The following PER3 variants were observed in gnomAD, a reference collection of about 807,000 sequenced individuals.
The protein encoded by PER3 is period circadian protein homolog 3.
In PER3, 107 loss-of-function variants were observed where a neutral mutation model predicts 127.2. The ratio of observed to expected loss-of-function variants is 0.84; its 90% CI spans 0.72 to 0.99. PER3 has a LOEUF of 0.99. Ranked by LOEUF, PER3 falls within the 50% of genes least tolerant of loss-of-function variation. The probability of loss-of-function intolerance (pLI) is 0.00; values close to 1 mark genes in which losing one functional copy is unlikely to be tolerated. For synonymous variants in PER3, 618 were observed against 585.8 expected (o/e 1.05, Z -0.79); for missense variants, 1,560 against 1,525.8 (o/e 1.02, Z -0.37).
intron 7 of PER3, 62 bp from the exon 8 acceptor site, chr1:7,801,051 A>T: frequency 1.1e-6 from 1 of 920,374 alleles, no homozygotes; most frequent in Non-Finnish European, 1.8e-6. Flanking sequence ...TTAAGTGGTT[A>T]GTTAGGTGGA....
At chr1:7,830,968 A>G (rs182189332) in intron 19 of PER3, among the ~76,000 whole-genome samples, 4 of 152,342 alleles carry the variant, frequency 2.6e-5, no homozygotes, top group Non-Finnish European at 4.4e-5. Flanking sequence ...CTTTGTCCAT[A>G]TAAATTATAG....
In PER3 at chr1:7,806,795, T is replaced by TAAAAAAAAAA. The variant is rs71567316; in HGVS notation, c.1137-2089_1137-2080dup. ...GGCAGCAGAGCAAGACCCTGTCTCT[T>TAAAAAAAAAA]AAAAAAAAAAAAAAAAAATATATAT... On this transcript the variant is annotated intron_variant, in intron 10 of 21. Transcript: ENST00000377532. 1.4e-4 allele frequency among the ~76,000 whole-genome samples: 13 copies of TAAAAAAAAAA among 91,898 alleles called. No individual in the cohort carries two copies. In the East Asian group the frequency reaches 1.6e-3, roughly 12 times the overall value. The allele number at this position is 91,898 out of a possible 152,430, so 60.3% of individuals were successfully genotyped here.
At chr1:7,792,125 T>G (rs2097124537) in intron 5 of PER3, among the ~76,000 whole-genome samples, 1 of 152,294 alleles carries the variant, frequency 6.6e-6, no homozygotes, top group Admixed American at 6.5e-5. Context: ...TACCCAAGAC[T>G]GGGTAATTTC....
intron 21 of PER3, among the ~76,000 whole-genome samples, chr1:7,839,182 A>ATAG (rs1256102954): frequency 6.6e-6 from 1 of 152,194 alleles, no homozygotes; most frequent in Non-Finnish European, 1.5e-5. Context: ...TGTGTAATTT[A>ATAG]TACCAGCTTA....
rs768253718 is a variant in PER3 at position 7,793,943 on chromosome 1, ATCTT to A, written c.593-6_593-3del. ...GATAAGAGGGAGTGACTGACCAGGC[ATCTT>A]TCTTTCTAGCAGCTGCACGGTATGA... On this transcript the variant is annotated splice_polypyrimidine_tract_variant and intron_variant, in intron 5 of 21. Coordinates refer to ENST00000377532, the MANE Select transcript of PER3 (RefSeq NM_001377275.1). 11 of 1,611,708 alleles carry A rather than the reference ATCTT, an allele frequency of 6.8e-6. No homozygotes were observed. Among genetic ancestry groups the A allele is most frequent in the Middle Eastern group, 1.7e-4 (1 of 6,058 alleles).
intron 21 of PER3, among the ~76,000 whole-genome samples, chr1:7,837,832 G>C (rs942302247): frequency 6.6e-6 from 1 of 152,202 alleles, no homozygotes; most frequent in Non-Finnish European, 1.5e-5. Flanking sequence ...CCAGCACTTT[G>C]GGAGGCCAAG....
rs866191567 is a variant in PER3, at chr1:7,824,855, G to A, written c.1958-1625G>A. ...GAACCGGCACTATTCCGCAGCTTGC[G>A]TGAGCTTCAGCTCTTGTTCCTGCTA... On this transcript the variant is annotated intron_variant, in intron 16 of 21. Transcript: ENST00000377532. Among the ~76,000 whole-genome samples the A allele has an allele frequency of 3.3e-5, 5 of 152,084 alleles. No individual in the cohort carries two copies. In the East Asian group the frequency reaches 5.8e-4, roughly 18 times the overall value.
chr1:7,834,162 C>T lies in PER3; in HGVS notation c.3215-1600C>T, dbSNP rs537866494. ...CTCAAACTCCTGACCTCAGGCGATC[C>T]GCCCGCCTTGGCCTCCCAAAGTGCT... On this transcript the variant is annotated intron_variant, in intron 19 of 21. Coordinates refer to ENST00000377532, the MANE Select transcript of PER3 (RefSeq NM_001377275.1). Among the ~76,000 whole-genome samples, 53 of 152,310 alleles carry T rather than the reference C, an allele frequency of 3.5e-4. No homozygotes were observed. In the East Asian group the frequency reaches 5.0e-3, roughly 14 times the overall value.
At chr1:7,796,336 T>TTTTTTTTTA (rs1188385104) in intron 6 of PER3, among the ~76,000 whole-genome samples, 1 of 149,312 alleles carries the variant, frequency 6.7e-6, no homozygotes, top group African/African-American at 2.5e-5. Context: ...TTTTTTTTTT[T>TTTTTTTTTA]GAGACAGGAT....
In PER3 at chr1:7,827,401, C is replaced by T. The variant is rs1018382023; in HGVS notation, c.2472C>T (p.Ala824=). The T allele has an allele frequency of 1.2e-6, 2 of 1,614,176 alleles. No individual in the cohort carries two copies. The highest frequency in any genetic ancestry group is 8.5e-7 in the Non-Finnish European group (1 of 1,180,036). ...AATSPGREYA[A]PGTAPEGLHG... ...CCTCACCCGGAAGAGAATACGCAGC[C>T]CCCGGAACTGCACCGGAAGGCCTGC... The change falls in exon 18 of 22, where the codon GCC becomes GCT. Residue 824 remains alanine (A), a synonymous_variant. Transcript: ENST00000377532.
intron 3 of PER3, among the ~76,000 whole-genome samples, chr1:7,786,180 G>T (rs542628155): frequency 4.4e-4 from 67 of 152,178 alleles, no homozygotes; most frequent in Admixed American, 8.5e-4. Flanking sequence ...GCGTGAACCC[G>T]GGAGGCGGAG....
chr1:7,814,436 T>G (rs1361928035), intron 13 of PER3, among the ~76,000 whole-genome samples: 1 of 151,706 alleles, frequency 6.6e-6, no homozygotes, highest in African/African-American at 2.4e-5. Context: ...GACAATAGAG[T>G]AGCATCCTCA....
chr1:7,840,107 T>C (rs2097377962), intron 21 of PER3, among the ~76,000 whole-genome samples: 1 of 152,162 alleles, frequency 6.6e-6, no homozygotes, highest in South Asian at 2.1e-4. Context: ...ACAGTTTCAA[T>C]TGTCCGGTCT....
chr1:7,785,101 C>T (rs978915141), intron 2 of PER3, 96 bp downstream of exon 2: 3 of 1,362,042 alleles, frequency 2.2e-6, no homozygotes, highest in Middle Eastern at 1.8e-4. Flanking sequence ...CTTTTGTTTT[C>T]AAGCCCAGGG....
chr1:7,800,872 TTCTC>T (rs1035398799), intron 7 of PER3, among the ~76,000 whole-genome samples: 2 of 152,028 alleles, frequency 1.3e-5, no homozygotes, highest in Non-Finnish European at 2.9e-5. Context: ...TGCACATTCT[TTCTC>T]TCTCTGTTTA....
At chr1:7,820,690 T>C in intron 16 of PER3, 50 bp downstream of exon 16, 1 of 1,460,794 alleles carries the variant, frequency 6.8e-7, no homozygotes, top group Non-Finnish European at 9.3e-7. Flanking sequence ...TTAACTACAT[T>C]GTGATGAGAA....
chr1:7,818,490 A>G (rs768066039), intron 13 of PER3, among the ~76,000 whole-genome samples: 41 of 152,188 alleles, frequency 2.7e-4, no homozygotes, highest in Middle Eastern at 3.2e-3. Flanking sequence ...CTTCCTTAAG[A>G]AAGTTTTCAT....
At chr1:7,806,760 C>T (rs1007854304) in intron 10 of PER3, among the ~76,000 whole-genome samples, 12 of 143,880 alleles carry the variant, frequency 8.3e-5, no homozygotes, top group Admixed American at 5.1e-4. Flanking sequence ...CACCACTGCA[C>T]TCCAGGCTGG....
intron 18 of PER3, among the ~76,000 whole-genome samples, chr1:7,828,205 A>G (rs1466719466): frequency 6.6e-6 from 1 of 152,262 alleles, no homozygotes; most frequent in Non-Finnish European, 1.5e-5. Flanking sequence ...GGAATAAGCC[A>G]TATTGACAAT....
Sources: allele counts gnomAD v4.1 joint callset (sites outside exome capture counted in the v4.1 genomes callset), GRCh38; gene constraint gnomAD v4.1.1; transcripts MANE v1.5; gene names NCBI Gene and HGNC (gene_info 2026-07-23, HGNC 2026-07-21).